The following PITX3 variants were observed in gnomAD, a reference collection of about 807,000 sequenced individuals.
PITX3 encodes pituitary homeobox 3.
Under a neutral mutation model 14.2 loss-of-function variants are expected in PITX3, and 4 were observed. That is an observed-to-expected ratio of 0.28 (90% confidence interval 0.14 to 0.65). PITX3 has a LOEUF of 0.65. Among genes scored for constraint, PITX3 ranks in the 30% least tolerant of loss-of-function variants. The pLI is 0.82. For missense variants in PITX3, 358 were observed against 426.8 expected, an observed-to-expected ratio of 0.84 and a Z score of 1.42; for synonymous variants, 194 against 204.5, an observed-to-expected ratio of 0.95 and a Z score of 0.44.
At position 102,231,036 on chromosome 10, in the gene PITX3, G is replaced by A. The variant is rs1270330453; in HGVS notation, c.387C>T (p.Cys129=). The A allele has an allele frequency of 6.3e-7, 1 of 1,592,740 alleles. No homozygotes were observed. The highest frequency in any genetic ancestry group is 1.7e-5 in the Admixed American group (1 of 59,044). Residue 129 remains cysteine (C), a synonymous_variant, in exon 4 of 4, where the codon TGC becomes TGT. Transcript: ENST00000370002. ...KRERSQQAEL[C]KGSFAAPLGG... is the part of the protein sequence containing the mutation. ...CGAGCGGCGCCGCGAAGCTGCCTTTGCATAGCTCGGCCTGCTGGCTGCGCT... is the reference window on the plus strand; with the variant it reads ...CGAGCGGCGCCGCGAAGCTGCCTTTACATAGCTCGGCCTGCTGGCTGCGCT...
intron 1 of PITX3, among the ~76,000 whole-genome samples, chr10:102,233,191 C>T (rs1421974022): frequency 6.6e-5 from 10 of 151,948 alleles, no homozygotes; most frequent in Admixed American, 1.3e-4. Context: ...CCTCGAGATT[C>T]GCTCAGGGAC....
intron 1 of PITX3, among the ~76,000 whole-genome samples, chr10:102,235,734 C>T (rs752202671): frequency 2.0e-5 from 3 of 152,168 alleles, no homozygotes; most frequent in Non-Finnish European, 2.9e-5. Context: ...CTGTGTCTGC[C>T]CTTCCTTGAG....
intron 1 of PITX3, among the ~76,000 whole-genome samples, chr10:102,240,153 G>A (rs901006709): frequency 3.3e-5 from 5 of 152,234 alleles, no homozygotes; most frequent in South Asian, 4.1e-4. Flanking sequence ...AGGAGTCTGG[G>A]GGGTGTCTGG....
chr10:102,239,267 G>A (rs925628034), intron 1 of PITX3, among the ~76,000 whole-genome samples: 5 of 152,214 alleles, frequency 3.3e-5, no homozygotes, highest in African/African-American at 1.2e-4. Context: ...GTGGGAAAAG[G>A]TTCTGTCTTT....
In PITX3 at chr10:102,230,906, C is replaced by T. The variant is rs750016975; in HGVS notation, c.517G>A (p.Ala173Thr). ...PPLAAKTFPFAFNSVNVGPLA... is the reference protein window; with the variant it reads ...PPLAAKTFPFTFNSVNVGPLA... ...GGCCCCACGTTGACCGAGTTGAAGG[C>T]GAATGGAAAGGTCTTGGCGGCGAGC... Residue 173 changes from alanine (A) to threonine (T), a missense_variant, in exon 4 of 4, where the codon GCC (alanine) becomes ACC (threonine). Around this residue, in one of 3 missense-constraint regions of PITX3, gnomAD observed 236 missense variants for 250.2 expected, o/e 0.94. Coordinates refer to ENST00000370002, the MANE Select transcript of PITX3 (RefSeq NM_005029.4). 4 of 1,611,692 alleles carry T rather than the reference C, an allele frequency of 2.5e-6. No homozygotes were observed. The highest frequency in any genetic ancestry group is 4.5e-5 in the East Asian group (2 of 44,802).
At chr10:102,239,824 G>A (rs1227486919) in intron 1 of PITX3, among the ~76,000 whole-genome samples, 1 of 152,212 alleles carries the variant, frequency 6.6e-6, no homozygotes, top group African/African-American at 2.4e-5. Context: ...GATGGTCACT[G>A]TATGGGCCCA....
chr10:102,232,510 C>T (rs2070274388), intron 1 of PITX3, among the ~76,000 whole-genome samples: 1 of 152,122 alleles, frequency 6.6e-6, no homozygotes, highest in Non-Finnish European at 1.5e-5. Context: ...TGGTAAAATC[C>T]CGTCCCTACT....
Position 102,230,464 on chromosome 10 carries a change from G to T in PITX3, c.*50C>A. On this transcript the variant is annotated 3_prime_UTR_variant, in exon 4 of 4. Coordinates refer to ENST00000370002, the MANE Select transcript of PITX3 (RefSeq NM_005029.4). ...GTCAAAATGACCCCAGTCCGCGGAG[G>T]CTGTGAATCGTTGCCCCCGCCCTCG... 6.4e-7 allele frequency: 1 copy of T among 1,572,618 alleles called. No individual in the cohort carries two copies. Among genetic ancestry groups the T allele is most frequent in the Non-Finnish European group, 8.6e-7 (1 of 1,159,064 alleles).
Position 102,230,575 on chromosome 10 carries a change from T to G in PITX3, c.848A>C (p.His283Pro), listed in dbSNP as rs1305705175. 2.9e-5 allele frequency: 46 copies of G among 1,611,514 alleles called. No individual in the cohort carries two copies. Among genetic ancestry groups the G allele is most frequent in the Non-Finnish European group, 3.9e-5 (46 of 1,179,220 alleles). Residue 283 changes from histidine to proline, a missense_variant, in exon 4 of 4, where the codon CAC (histidine) becomes CCC (proline). By Grantham distance (77) the His-to-Pro change is moderately conservative. Transcript: ENST00000370002. ...QHASFSYPAV[H>P]GPPPAANLSP... ...AAGGTTGGCTGCCGGGGGCGGCCCG[T>G]GCACAGCGGGGTAGCTGAAGGAGGC...
Position 102,230,724 on chromosome 10 carries a change from C to A in PITX3, c.699G>T (p.Gly233=), listed in dbSNP as rs755668294. Residue 233 remains glycine (G), a synonymous_variant, in exon 4 of 4, where the codon GGG becomes GGT. Coordinates refer to ENST00000370002, the MANE Select transcript of PITX3 (RefSeq NM_005029.4). ...CCGAGGCATAAGGGCAGGACACGGC[C>A]CCGGAGGACACGGCGGCCGGAGCCA... is the stretch of plus-strand genomic sequence containing the variant. The part of the protein sequence containing the change: ...PGLAPAAVSS[G]AVSCPYASAA... 2 of 1,521,276 alleles carry A rather than the reference C, an allele frequency of 1.3e-6. No individual in the cohort carries two copies. Among genetic ancestry groups the A allele is most frequent in the Non-Finnish European group, 1.8e-6 (2 of 1,135,752 alleles). 94.2% of individuals were successfully genotyped at this position (1,521,276 alleles called of 1,614,324 possible). A position where few individuals can be genotyped will look rare whatever the true frequency, so the allele number is the denominator to read the frequency against.
intron 1 of PITX3, among the ~76,000 whole-genome samples, chr10:102,232,535 T>TA (rs1171659149): frequency 6.6e-6 from 1 of 151,940 alleles, no homozygotes; most frequent in Non-Finnish European, 1.5e-5. Context: ...ATACAAAAAT[T>TA]GCTGGGCGGG....
chr10:102,240,851 C>T (rs1291132421), intron 1 of PITX3, among the ~76,000 whole-genome samples: 2 of 152,354 alleles, frequency 1.3e-5, no homozygotes, highest in East Asian at 1.9e-4. Flanking sequence ...GGAAGAGAAG[C>T]GTGTGCGACC....
intron 1 of PITX3, among the ~76,000 whole-genome samples, chr10:102,240,018 C>G (rs980377864): frequency 3.9e-5 from 6 of 152,206 alleles, no homozygotes; most frequent in African/African-American, 1.4e-4. Flanking sequence ...ACTGGTAGGG[C>G]TGAGGAAGAA....
At position 102,231,774 on chromosome 10, in the gene PITX3, C is replaced by G. The variant is rs370923238; in HGVS notation, c.135G>C (p.Ser45=). Residue 45 remains serine, a synonymous_variant, in exon 3 of 4, where the codon TCG becomes TCC. Coordinates refer to ENST00000370002, the MANE Select transcript of PITX3 (RefSeq NM_005029.4). ...CTGGGGAGCCGCCGGGCAGCGAAGC[C>G]GAGGCCTTTTCTGAGTCTGGGGGCC... The part of the protein sequence containing the change: ...GQEHSDSEKA[S]ASLPGGSPED... The G allele has an allele frequency of 1.9e-5, 31 of 1,604,170 alleles. No homozygotes were observed. The African/African-American group carries it at 4.0e-4, about 21-fold the overall frequency.
In PITX3 at chr10:102,230,323, G is replaced by T; in HGVS notation, c.*191C>A. 1 of 776,324 alleles carries T rather than the reference G, an allele frequency of 1.3e-6. No individual in the cohort carries two copies. The allele number at this position is 776,324 out of a possible 1,614,324, so 48.1% of individuals were successfully genotyped here. ...TCCTGGCTTTAGTCCCAGGGGCGCG[G>T]TCTGTGTGTAGGGCCTAGTCCACCC... On this transcript the variant is annotated 3_prime_UTR_variant, in exon 4 of 4. Coordinates refer to ENST00000370002, the MANE Select transcript of PITX3 (RefSeq NM_005029.4).
chr10:102,236,109 G>A (rs541289901), intron 1 of PITX3, among the ~76,000 whole-genome samples: 8 of 152,186 alleles, frequency 5.3e-5, no homozygotes, highest in Non-Finnish European at 8.8e-5. Context: ...ACCTCTAGCC[G>A]ACTCACGTCC....
intron 1 of PITX3, among the ~76,000 whole-genome samples, chr10:102,235,727 T>C (rs2070376827): frequency 6.6e-6 from 1 of 152,230 alleles, no homozygotes; most frequent in South Asian, 2.1e-4. Flanking sequence ...CTCATCCCTG[T>C]GTCTGCCCTT....
In PITX3 at chr10:102,231,603, G is replaced by T. The variant is rs1450725189; in HGVS notation, c.306C>A (p.Thr102=). 1.7e-5 allele frequency: 27 copies of T among 1,605,242 alleles called. No homozygotes were observed. Among genetic ancestry groups the T allele is most frequent in the Non-Finnish European group, 1.9e-5 (22 of 1,175,692 alleles). Residue 102 remains threonine, a synonymous_variant, in exon 3 of 4, where the codon ACC becomes ACA. Transcript: ENST00000370002. The part of the protein sequence containing the change: ...REEIAVWTNL[T]EARVRVWFKN... ...GAGAGCATACCCGCACGCGGGCCTC[G>T]GTGAGGTTGGTCCACACGGCGATCT...
Position 102,230,582 on chromosome 10 carries a change from C to T in PITX3, c.841G>A (p.Ala281Thr). ...GCTGCCGGGGGCGGCCCGTGCACAG[C>T]GGGGTAGCTGAAGGAGGCGTGCTGT... The part of the protein sequence containing the change: ...AKQHASFSYP[A>T]VHGPPPAANL... The change falls in exon 4 of 4, where the codon GCT becomes ACT. Residue 281 changes from alanine (A) to threonine (T), a missense_variant. Physicochemically the swap from Ala to Thr is moderately conservative, Grantham distance 58. This residue lies in a region of PITX3 where 236 missense variants were observed against 250.2 expected (regional missense o/e 0.94). Coordinates refer to ENST00000370002, the MANE Select transcript of PITX3 (RefSeq NM_005029.4). The T allele has an allele frequency of 1.2e-6, 2 of 1,611,446 alleles. No individual in the cohort carries two copies. Among genetic ancestry groups the T allele is most frequent in the Non-Finnish European group, 1.7e-6 (2 of 1,179,088 alleles).
Sources: allele counts gnomAD v4.1 joint callset (sites outside exome capture counted in the v4.1 genomes callset), GRCh38; gene constraint gnomAD v4.1.1; regional missense constraint gnomAD v4.1.1; transcripts MANE v1.5; gene names NCBI Gene and HGNC (gene_info 2026-07-23, HGNC 2026-07-21).